Variants in CSGALNACT1 observed in about 807,000 individuals in gnomAD.
CSGALNACT1 encodes chondroitin sulfate N-acetylgalactosaminyltransferase 1, also known as beta4GalNAcT-1.
In CSGALNACT1, 52 loss-of-function variants were observed where a neutral mutation model predicts 51.0. The observed-to-expected ratio is 1.02, with a 90% CI of 0.82 to 1.29. The LOEUF (loss-of-function observed/expected upper bound fraction) is 1.29. Ranked by LOEUF, CSGALNACT1 falls within the 50% of genes most tolerant of loss-of-function variation. CSGALNACT1 has a pLI of 0.00. For synonymous variants in CSGALNACT1, 341 were observed against 254.4 expected (o/e 1.34, Z -3.24); for missense variants, 935 against 679.2 (o/e 1.38, Z -4.19).
intron 2 of CSGALNACT1, among the ~76,000 whole-genome samples, chr8:19,596,649 A>G (rs965815795): frequency 4.6e-5 from 7 of 152,162 alleles, no homozygotes; most frequent in African/African-American, 1.7e-4. Flanking sequence ...TTACCACTGT[A>G]AATACATTTT....
intron 4 of CSGALNACT1, among the ~76,000 whole-genome samples, chr8:19,469,305 C>A (rs1027938161): frequency 5.3e-5 from 8 of 152,158 alleles, no homozygotes; most frequent in Non-Finnish European, 7.4e-5. Context: ...GCATGAGGAT[C>A]CCTTGAGCCC....
At chr8:19,443,277 T>C (rs1280914956) in intron 5 of CSGALNACT1, among the ~76,000 whole-genome samples, 1 of 152,206 alleles carries the variant, frequency 6.6e-6, no homozygotes, top group African/African-American at 2.4e-5. Flanking sequence ...TGAATATATG[T>C]GCATGTAAAT....
At chr8:19,629,166 G>A (rs1346864824) in intron 1 of CSGALNACT1, among the ~76,000 whole-genome samples, 2 of 152,072 alleles carry the variant, frequency 1.3e-5, no homozygotes, top group Non-Finnish European at 2.9e-5. Flanking sequence ...ATGCCCAGAG[G>A]ATACAGGACA....
chr8:19,546,262 G>A (rs1397034980), intron 3 of CSGALNACT1, among the ~76,000 whole-genome samples: 1 of 152,082 alleles, frequency 6.6e-6, no homozygotes, highest in African/African-American at 2.4e-5. Context: ...TCGTGTTTTT[G>A]TAAGTAAGTT....
chr8:19,421,775 C>G (rs1194645525), intron 6 of CSGALNACT1, among the ~76,000 whole-genome samples: 1 of 152,174 alleles, frequency 6.6e-6, no homozygotes, highest in Non-Finnish European at 1.5e-5. Context: ...CTTGACTCAT[C>G]TTCTTCTTTT....
chr8:19,600,898 A>AG (rs2050274877), intron 2 of CSGALNACT1, among the ~76,000 whole-genome samples: 1 of 151,474 alleles, frequency 6.6e-6, no homozygotes, highest in Non-Finnish European at 1.5e-5. Context: ...AGGAAGGTGA[A>AG]GGGGGCTTTC....
At chr8:19,655,569 C>A (rs149150974) in intron 1 of CSGALNACT1, among the ~76,000 whole-genome samples, 183 of 37,038 alleles carry the variant, frequency 4.9e-3, no homozygotes, top group Non-Finnish European at 8.1e-3. Context: ...TACACACACA[C>A]ACACACACAC....
At chr8:19,559,926 A>G (rs1013679401) in intron 3 of CSGALNACT1, among the ~76,000 whole-genome samples, 9 of 152,202 alleles carry the variant, frequency 5.9e-5, no homozygotes, top group African/African-American at 2.2e-4. Flanking sequence ...GGAAATGCAA[A>G]GGGCCAACTA....
intron 3 of CSGALNACT1, among the ~76,000 whole-genome samples, chr8:19,542,386 A>G (rs1306570722): frequency 2.0e-5 from 3 of 152,226 alleles, no homozygotes; most frequent in Non-Finnish European, 2.9e-5. Flanking sequence ...AGACTGGAAC[A>G]GTATTAGCGG....
chr8:19,628,918 C>T (rs1240085549), intron 1 of CSGALNACT1, among the ~76,000 whole-genome samples: 1 of 152,068 alleles, frequency 6.6e-6, no homozygotes, highest in African/African-American at 2.4e-5. Flanking sequence ...ATGCAAAGGC[C>T]TGGGAAGTGA....
At chr8:19,558,271 T>A (rs1400754965) in intron 3 of CSGALNACT1, among the ~76,000 whole-genome samples, 2 of 152,244 alleles carry the variant, frequency 1.3e-5, no homozygotes, top group Non-Finnish European at 2.9e-5. Context: ...TTTTTGTGGA[T>A]TCATGGCTCT....
intron 3 of CSGALNACT1, among the ~76,000 whole-genome samples, chr8:19,508,278 T>C (rs929179580): frequency 6.6e-6 from 1 of 152,362 alleles, no homozygotes; most frequent in Admixed American, 6.5e-5. Flanking sequence ...ACAGTTCCTC[T>C]TCTATTACCC....
intron 2 of CSGALNACT1, among the ~76,000 whole-genome samples, chr8:19,596,240 G>T (rs2048872632): frequency 6.6e-6 from 1 of 152,062 alleles, no homozygotes; most frequent in Admixed American, 6.5e-5. Context: ...TACTTCCTAT[G>T]TGTCAGCTGA....
At chr8:19,527,539 G>A (rs769734435) in intron 3 of CSGALNACT1, among the ~76,000 whole-genome samples, 19 of 152,220 alleles carry the variant, frequency 1.2e-4, no homozygotes, top group African/African-American at 4.1e-4. Flanking sequence ...GAACCTGCGA[G>A]GCAGAGGTTA....
intron 1 of CSGALNACT1, among the ~76,000 whole-genome samples, chr8:19,626,463 A>C (rs565644440): frequency 2.0e-5 from 3 of 152,348 alleles, no homozygotes; most frequent in Admixed American, 2.0e-4. Context: ...ATCTCAATGT[A>C]AAATGGTAAA....
intron 1 of CSGALNACT1, among the ~76,000 whole-genome samples, chr8:19,655,190 G>A (rs566401353): frequency 9.9e-5 from 15 of 152,236 alleles, no homozygotes; most frequent in Non-Finnish European, 2.1e-4. Context: ...CTCTGACTCC[G>A]TGATGATAGG....
At chr8:19,466,476 G>GT (rs1331075726) in intron 4 of CSGALNACT1, among the ~76,000 whole-genome samples, 48 of 152,214 alleles carry the variant, frequency 3.2e-4, no homozygotes, top group African/African-American at 1.1e-3. Flanking sequence ...AAAGGAACCG[G>GT]TAAATGCTTA....
chr8:19,547,184 G>C (rs1242973077), intron 3 of CSGALNACT1, among the ~76,000 whole-genome samples: 4 of 152,178 alleles, frequency 2.6e-5, no homozygotes, highest in African/African-American at 9.6e-5. Context: ...TGCCAGCAGT[G>C]TTTTGTTAAA....
intron 7 of CSGALNACT1, among the ~76,000 whole-genome samples, chr8:19,420,131 C>G (rs1355714372): frequency 6.6e-6 from 1 of 152,218 alleles, no homozygotes; most frequent in African/African-American, 2.4e-5. Flanking sequence ...CATTAAACCT[C>G]TTTCCTTTAT....
Sources: gnomAD v4.1 joint callset for allele counts (sites outside exome capture counted in the v4.1 genomes callset) on GRCh38, gnomAD v4.1.1 for gene constraint, MANE v1.5 for transcripts, NCBI Gene and HGNC (gene_info 2026-07-23, HGNC 2026-07-21) for gene names.